The following TTC19 variants were observed in gnomAD, a reference collection of about 807,000 sequenced individuals.
The protein encoded by TTC19 is tetratricopeptide repeat protein 19, mitochondrial.
TTC19 carries 38 observed loss-of-function variants against 49.5 expected under a neutral mutation model. That is an observed-to-expected ratio of 0.77 (90% CI 0.59 to 1.01). The LOEUF (loss-of-function observed/expected upper bound fraction) is 1.01. Among genes scored for constraint, TTC19 ranks in the 50% least tolerant of loss-of-function variants. The probability of loss-of-function intolerance (pLI) is 0.00; values close to 1 mark genes in which losing one functional copy is unlikely to be tolerated. For synonymous variants in TTC19, 204 were observed against 185.2 expected (o/e 1.10, Z -0.83); for missense variants, 475 against 477.7 (o/e 0.99, Z 0.05).
rs114581829 is a variant in TTC19 at position 16,005,892 on chromosome 17, G to A, written c.582-582G>A. ...CACTGGAGGCCATCTGTTAGTGGGAGATGATGAATACTGCTGGCTATGTCA... is the reference window on the plus strand; with the variant it reads ...CACTGGAGGCCATCTGTTAGTGGGAAATGATGAATACTGCTGGCTATGTCA... On this transcript the variant is annotated intron_variant, in intron 6 of 9. Transcript: ENST00000261647. 8.8e-3 allele frequency among the ~76,000 whole-genome samples: 1,341 copies of A among 152,198 alleles called. 11 individuals are homozygous for A. Among genetic ancestry groups the A allele is most frequent in the Non-Finnish European group, 0.014 (926 of 67,976 alleles).
chr17:16,013,556 T>C (rs749277246), intron 7 of TTC19, among the ~76,000 whole-genome samples: 7 of 152,252 alleles, frequency 4.6e-5, no homozygotes, highest in Non-Finnish European at 5.9e-5. Context: ...GGTGTGAAGC[T>C]GGTGACTGTT....
downstream of TTC19, chr17:16,031,614 T>A (rs1387548233): frequency 6.4e-5 from 14 of 220,152 alleles, no homozygotes; most frequent in East Asian, 2.0e-4. Context: ...AAAAAAAAAA[T>A]TAAAGCCTGC....
At chr17:16,005,619 C>T (rs1438651293) in intron 6 of TTC19, among the ~76,000 whole-genome samples, 1 of 152,180 alleles carries the variant, frequency 6.6e-6, no homozygotes, top group Non-Finnish European at 1.5e-5. Flanking sequence ...CAACCCTCTC[C>T]AGTTGATTGA....
rs1160956822 is a variant in TTC19 at position 16,027,127 on chromosome 17, T to A, written c.995-247T>A. ...CCTGGGATGACAGGTGTATTACACA[T>A]ACCACCATTCATGAAATCTTGGGCT... On this transcript the variant is annotated intron_variant, in intron 9 of 9. Transcript: ENST00000261647. The A allele has an allele frequency of 5.4e-6, 3 of 553,400 alleles. No individual in the cohort carries two copies. In the East Asian group the frequency reaches 9.4e-5, roughly 17 times the overall value. 34.3% of individuals were successfully genotyped at this position (553,400 alleles called of 1,614,324 possible).
rs558325645 is a variant in TTC19, at chr17:16,044,753, A to C, written c.*198A>C. Reference sequence around the variant, plus strand: ...TGTAAATGTTGAACCTTTTTGGTCCAGCTTGTTTGCAATGGCCCTGGCCAA... The same window carrying C: ...TGTAAATGTTGAACCTTTTTGGTCCCGCTTGTTTGCAATGGCCCTGGCCAA... On this transcript the variant is annotated 3_prime_UTR_variant, in exon 3 of 3. Coordinates refer to the TTC19 transcript ENST00000470649. The C allele has an allele frequency of 8.5e-6, 7 of 827,838 alleles. No individual in the cohort carries two copies. In the East Asian group the frequency reaches 1.2e-4, roughly 15 times the overall value. 51.3% of individuals were successfully genotyped at this position (827,838 alleles called of 1,614,324 possible).
chr17:16,040,426 TC>T lies in TTC19; in HGVS notation c.248-4076del. On this transcript the variant is annotated intron_variant, in intron 2 of 2. Coordinates refer to the TTC19 transcript ENST00000470649. ...GCCAATTTTGTATTGGTAAATAATGTCTTTTCAATCTTACCTGACGTAGTAA... is the reference window on the plus strand; with the variant it reads ...GCCAATTTTGTATTGGTAAATAATGTTTTTCAATCTTACCTGACGTAGTAA... The T allele has an allele frequency of 5.0e-6, 8 of 1,612,120 alleles. No individual in the cohort carries two copies. The Middle Eastern group carries it at 9.9e-4, about 200-fold the overall frequency.
Position 16,025,288 on chromosome 17 carries a change from C to A in TTC19, c.831+117C>A, listed in dbSNP as rs8081706. ...CAGATGGTCCTAGATCCTCCTTGGT[C>A]CCCAGTCTACTCATTTTCTTATCAC... is the stretch of plus-strand genomic sequence containing the variant. On this transcript the variant is annotated intron_variant, in intron 8 of 9. Coordinates refer to ENST00000261647, the MANE Select transcript of TTC19 (RefSeq NM_017775.4). 2,267 of 1,022,578 alleles carry A rather than the reference C, an allele frequency of 2.2e-3. 38 individuals carry two copies. In the African/African-American group the frequency reaches 0.031, roughly 14 times the overall value. The allele number at this position is 1,022,578 out of a possible 1,614,324, so 63.3% of individuals were successfully genotyped here. A position where few individuals can be genotyped will look rare whatever the true frequency, so the allele number is the denominator to read the frequency against.
At chr17:16,042,293 A>C (rs2057861936) in intron 2 of TTC19, among the ~76,000 whole-genome samples, 1 of 105,394 alleles carries the variant, frequency 9.5e-6, no homozygotes, top group African/African-American at 4.2e-5. Flanking sequence ...AGTGTGTGGA[A>C]CAGGAGTCAT....
intron 2 of TTC19, among the ~76,000 whole-genome samples, chr17:16,038,747 A>ATTATTTTATT (rs111445241): frequency 4.0e-5 from 6 of 150,682 alleles, no homozygotes; most frequent in African/African-American, 1.5e-4. Flanking sequence ...ATGGCTTACG[A>ATTATTTTATT]TTATTTTATT....
At chr17:16,038,435 CTTTTTTT>C in intron 2 of TTC19, among the ~76,000 whole-genome samples, 1 of 149,440 alleles carries the variant, frequency 6.7e-6, no homozygotes, top group South Asian at 2.1e-4. Context: ...TTTTCCTACT[CTTTTTTT>C]TTTTCCTTTT....
rs1186598314 is a variant in TTC19 at position 16,028,555 on chromosome 17, T to C, written c.*1033T>C. ...GTGCTGAAAGAGCTTTATCACACTG[T>C]CTCAAAGTATGTAAAGATACATAGG... On this transcript the variant is annotated 3_prime_UTR_variant, in exon 10 of 10. Coordinates refer to ENST00000261647, the MANE Select transcript of TTC19 (RefSeq NM_017775.4). 4.4e-6 allele frequency: 2 copies of C among 453,942 alleles called. No homozygotes were observed. Among genetic ancestry groups the C allele is most frequent in the Non-Finnish European group, 8.8e-6 (2 of 226,744 alleles). 28.1% of individuals were successfully genotyped at this position (453,942 alleles called of 1,614,324 possible).
intron 7 of TTC19, among the ~76,000 whole-genome samples, chr17:16,023,163 A>C (rs975169244): frequency 6.6e-6 from 1 of 152,212 alleles, no homozygotes; most frequent in Non-Finnish European, 1.5e-5. Flanking sequence ...TGCTTTTCAG[A>C]AAGTGTTTCC....
At position 16,029,330 on chromosome 17, in the gene TTC19, T is replaced by G. The variant is rs987509810; in HGVS notation, c.*1808T>G. ...TAAGGTACTGAAGCAAAAGGAGGAC[T>G]GATCTCCTTTACTGATTGGTCTAAA... On this transcript the variant is annotated 3_prime_UTR_variant, in exon 10 of 10. Coordinates refer to ENST00000261647, the MANE Select transcript of TTC19 (RefSeq NM_017775.4). The G allele has an allele frequency of 2.3e-5, 10 of 436,708 alleles. No homozygotes were observed. Among genetic ancestry groups the G allele is most frequent in the African/African-American group, 1.8e-4 (9 of 48,994 alleles). The allele number at this position is 436,708 out of a possible 1,614,324, so 27.1% of individuals were successfully genotyped here.
intron 2 of TTC19, among the ~76,000 whole-genome samples, chr17:16,035,321 CTTT>C (rs912290232): frequency 3.3e-5 from 5 of 152,120 alleles, no homozygotes; most frequent in Non-Finnish European, 5.9e-5. Flanking sequence ...TCAAACCCTT[CTTT>C]ATTAACTGGG....
intron 2 of TTC19, 127 bp downstream of exon 2, chr17:16,000,372 C>G: frequency 6.6e-7 from 1 of 1,517,600 alleles, no homozygotes; most frequent in Non-Finnish European, 8.8e-7. Context: ...GGTAAAATTG[C>G]CGAGAATGAG....
Position 16,029,111 on chromosome 17 carries a change from T to C in TTC19, c.*1589T>C, listed in dbSNP as rs117133932. On this transcript the variant is annotated 3_prime_UTR_variant, in exon 10 of 10. Transcript: ENST00000261647. ...TAATGTCAACCACTCACCTTTTGCATTGAGAATGTTTTTACCTTTTCACAA... is the reference window on the plus strand; with the variant it reads ...TAATGTCAACCACTCACCTTTTGCACTGAGAATGTTTTTACCTTTTCACAA... The C allele has an allele frequency of 0.033, 14,502 of 445,342 alleles. 311 individuals carry two copies. Among genetic ancestry groups the C allele is most frequent in the Non-Finnish European group, 0.044 (9,882 of 222,530 alleles). 27.6% of individuals were successfully genotyped at this position (445,342 alleles called of 1,614,324 possible). A position where few individuals can be genotyped will look rare whatever the true frequency, so the allele number is the denominator to read the frequency against.
intron 2 of TTC19, 169 bp downstream of exon 2, chr17:16,000,414 C>T: frequency 1.4e-6 from 2 of 1,465,498 alleles, no homozygotes; most frequent in Admixed American, 4.4e-5. Context: ...TGGAATCCAT[C>T]CAGGCTTTTC....
intron 8 of TTC19, among the ~76,000 whole-genome samples, chr17:16,026,330 T>C (rs1482779014): frequency 6.6e-6 from 1 of 152,194 alleles, no homozygotes; most frequent in Non-Finnish European, 1.5e-5. Flanking sequence ...ATTTGTATTA[T>C]TTCCCAAAAG....
rs1429313953 is a variant in TTC19 at position 16,041,460 on chromosome 17, C to G, written c.248-3043C>G. 3.8e-5 allele frequency among the ~76,000 whole-genome samples: 5 copies of G among 132,502 alleles called. No homozygotes were observed. In the Admixed American group the frequency reaches 4.2e-4, roughly 11 times the overall value. The allele number at this position is 132,502 out of a possible 152,430, so 86.9% of individuals were successfully genotyped here. A position where few individuals can be genotyped will look rare whatever the true frequency, so the allele number is the denominator to read the frequency against. ...TGGTGTTTTATTCTTGTCACCCAGG[C>G]TGGAGTGCAATGGCGTGATCTAGGC... On this transcript the variant is annotated intron_variant, in intron 2 of 2. Coordinates refer to the TTC19 transcript ENST00000470649.
Sources: gnomAD v4.1 joint callset for allele counts (sites outside exome capture counted in the v4.1 genomes callset) on GRCh38, gnomAD v4.1.1 for gene constraint, MANE v1.5 for transcripts, NCBI Gene and HGNC (gene_info 2026-07-23, HGNC 2026-07-21) for gene names.